NSMCE2: variants seen among roughly 807,000 people sequenced by gnomAD.
NSMCE2 encodes E3 SUMO-protein ligase NSE2.
A neutral mutation model predicts 23.8 loss-of-function variants in NSMCE2; 24 were observed. That is an observed-to-expected ratio of 1.01 (90% CI 0.73 to 1.42). The LOEUF is 1.42. NSMCE2 is among the 40% of genes most tolerant of loss of function. The pLI is 0.00. For synonymous variants in NSMCE2, 92 were observed against 94.1 expected (o/e 0.98, Z 0.13); for missense variants, 284 against 296.5 (o/e 0.96, Z 0.31).
intron 5 of NSMCE2, among the ~76,000 whole-genome samples, chr8:125,242,974 C>T (rs777115562): frequency 7.2e-5 from 11 of 152,004 alleles, no homozygotes; most frequent in Non-Finnish European, 1.5e-4. Context: ...AAACCCACAA[C>T]ATTTTTGATA....
chr8:125,196,870 C>G (rs1433045909), intron 5 of NSMCE2, among the ~76,000 whole-genome samples: 3 of 152,110 alleles, frequency 2.0e-5, no homozygotes, highest in African/African-American at 7.2e-5. Flanking sequence ...CCTGTTGATT[C>G]CTGACTTTTT....
At chr8:125,200,988 G>A (rs529103754) in intron 5 of NSMCE2, among the ~76,000 whole-genome samples, 2 of 152,226 alleles carry the variant, frequency 1.3e-5, no homozygotes, top group African/African-American at 2.4e-5. Flanking sequence ...CATGCATCAC[G>A]AAGTTCTTGT....
chr8:125,216,142 A>G (rs1053453846), intron 5 of NSMCE2, among the ~76,000 whole-genome samples: 1 of 152,208 alleles, frequency 6.6e-6, no homozygotes, highest in Non-Finnish European at 1.5e-5. Context: ...ATGTTGTAGC[A>G]TGTATTACTA....
intron 5 of NSMCE2, among the ~76,000 whole-genome samples, chr8:125,307,482 T>C (rs1828811655): frequency 1.3e-5 from 2 of 152,374 alleles, no homozygotes; most frequent in African/African-American, 2.4e-5. Flanking sequence ...AAGACCCTAG[T>C]TGATACATCT....
chr8:125,364,319 AAACTC>A (rs1813693426), intron 7 of NSMCE2, among the ~76,000 whole-genome samples: 1 of 152,144 alleles, frequency 6.6e-6, no homozygotes, highest in South Asian at 2.1e-4. Flanking sequence ...TCTAATGTAA[AAACTC>A]CTTGATCCAC....
chr8:125,354,182 T>TG (rs1452633602), intron 5 of NSMCE2, among the ~76,000 whole-genome samples: 1 of 152,050 alleles, frequency 6.6e-6, no homozygotes, highest in Non-Finnish European at 1.5e-5. Context: ...TCTGCCCACC[T>TG]CAGCCTCCCA....
intron 5 of NSMCE2, among the ~76,000 whole-genome samples, chr8:125,215,670 C>G (rs1824549376): frequency 6.6e-6 from 1 of 152,072 alleles, no homozygotes; most frequent in Admixed American, 6.5e-5. Context: ...GGTTTTAGGT[C>G]TAACGTTTAA....
intron 5 of NSMCE2, among the ~76,000 whole-genome samples, chr8:125,201,677 C>T (rs1055960686): frequency 6.6e-6 from 1 of 152,202 alleles, no homozygotes; most frequent in Non-Finnish European, 1.5e-5. Flanking sequence ...GCAGTGTGTC[C>T]ATTCTCAGAG....
chr8:125,272,124 C>G (rs1365706232), intron 5 of NSMCE2, among the ~76,000 whole-genome samples: 1 of 151,578 alleles, frequency 6.6e-6, no homozygotes, highest in Admixed American at 6.6e-5. Flanking sequence ...CGCCATTCTC[C>G]TGCCTCAGCC....
intron 3 of NSMCE2, among the ~76,000 whole-genome samples, chr8:125,107,916 C>T (rs1818544805): frequency 6.6e-6 from 1 of 152,052 alleles, no homozygotes; most frequent in African/African-American, 2.4e-5. Flanking sequence ...CACCTGTAGT[C>T]CCAGCTACTC....
In NSMCE2 at chr8:125,234,012, T is replaced by TAAAAAAAAA. The variant is rs34763403; in HGVS notation, c.418+51770_418+51778dup. On this transcript the variant is annotated intron_variant, in intron 5 of 7. Coordinates refer to ENST00000287437, the MANE Select transcript of NSMCE2 (RefSeq NM_173685.4). ...TAACATGGTGAAACCCTGTCTCTAC[T>TAAAAAAAAA]AAAAAAAAAAAAAAAAAAAAAATAC... Among the ~76,000 whole-genome samples, 11 of 102,130 alleles carry TAAAAAAAAA rather than the reference T, an allele frequency of 1.1e-4. 1 individual carries two copies. The highest frequency in any genetic ancestry group is 1.4e-4 in the Non-Finnish European group (7 of 49,918). 67.0% of individuals were successfully genotyped at this position (102,130 alleles called of 152,430 possible).
chr8:125,249,445 G>A (rs1481504626), intron 5 of NSMCE2, among the ~76,000 whole-genome samples: 1 of 152,150 alleles, frequency 6.6e-6, no homozygotes, highest in Non-Finnish European at 1.5e-5. Flanking sequence ...TGTTCATGGG[G>A]AGTGTTCGGG....
At chr8:125,217,728 G>C (rs1824663549) in intron 5 of NSMCE2, among the ~76,000 whole-genome samples, 1 of 152,118 alleles carries the variant, frequency 6.6e-6, no homozygotes, top group Non-Finnish European at 1.5e-5. Flanking sequence ...GACTGTCACT[G>C]TGCTCAGTCC....
intron 5 of NSMCE2, among the ~76,000 whole-genome samples, chr8:125,302,019 G>A (rs1021925421): frequency 4.6e-5 from 7 of 151,432 alleles, no homozygotes; most frequent in African/African-American, 1.5e-4. Context: ...GAGTGCAGTG[G>A]CACAATCTCA....
intron 3 of NSMCE2, among the ~76,000 whole-genome samples, chr8:125,104,093 C>A (rs965994108): frequency 6.6e-6 from 1 of 151,446 alleles, no homozygotes; most frequent in Non-Finnish European, 1.5e-5. Context: ...CGGGTTCAAG[C>A]GATTCTCCTG....
chr8:125,105,414 G>GT (rs1439898927), intron 3 of NSMCE2, among the ~76,000 whole-genome samples: 1 of 151,850 alleles, frequency 6.6e-6, no homozygotes, highest in Non-Finnish European at 1.5e-5. Flanking sequence ...GATTGTATCA[G>GT]TTTTTTTCAG....
intron 3 of NSMCE2, among the ~76,000 whole-genome samples, chr8:125,134,411 C>T (rs1407031342): frequency 6.6e-6 from 1 of 152,034 alleles, no homozygotes; most frequent in Non-Finnish European, 1.5e-5. Flanking sequence ...ATAGTCGCTC[C>T]CCATCCTTGT....
chr8:125,327,127 G>A (rs188292775), intron 5 of NSMCE2, among the ~76,000 whole-genome samples: 1 of 151,438 alleles, frequency 6.6e-6, no homozygotes, highest in Non-Finnish European at 1.5e-5. Flanking sequence ...ATTAGCCGGC[G>A]TGGTGGCGAG....
At chr8:125,096,932 T>C (rs897942236) in intron 1 of NSMCE2, among the ~76,000 whole-genome samples, 8 of 151,974 alleles carry the variant, frequency 5.3e-5, no homozygotes. Flanking sequence ...TCCTAAAGTG[T>C]GCGTGACTCC....
Sources: allele counts gnomAD v4.1 joint callset (sites outside exome capture counted in the v4.1 genomes callset), GRCh38; gene constraint gnomAD v4.1.1; transcripts MANE v1.5; gene names NCBI Gene and HGNC (gene_info 2026-07-23, HGNC 2026-07-21).